The following TRIM5 variants were observed in gnomAD, a reference collection of about 807,000 sequenced individuals.
The protein encoded by TRIM5 is tripartite motif containing 5.
Under a neutral mutation model 35.6 loss-of-function variants are expected in TRIM5, and 31 were observed. The observed-to-expected ratio is 0.87, with a 90% CI of 0.65 to 1.18. The LOEUF (loss-of-function observed/expected upper bound fraction) is 1.18. Among genes scored for constraint, TRIM5 ranks in the 50% most tolerant of loss-of-function variants. TRIM5 has a pLI of 0.00. For synonymous variants in TRIM5, 243 were observed against 215.6 expected (o/e 1.13, Z -1.11); for missense variants, 609 against 591.6 (o/e 1.03, Z -0.31).
At chr11:5,662,526 C>T (rs1251042370), downstream of TRIM5, among the ~76,000 whole-genome samples, 1 of 152,198 alleles carries the variant, frequency 6.6e-6, no homozygotes, top group Non-Finnish European at 1.5e-5. Context: ...GTACTTCTGA[C>T]TTTATCTGCA....
the TRIM5 span, among the ~76,000 whole-genome samples, chr11:5,652,852 CTTTTTTTT>C: frequency 7.0e-6 from 1 of 143,658 alleles, no homozygotes; most frequent in African/African-American, 2.6e-5. Flanking sequence ...TTTTCTTTTT[CTTTTTTTT>C]TTTTTTTTTG....
chr11:5,631,970 T>G, the TRIM5 span, among the ~76,000 whole-genome samples: 6 of 152,320 alleles, frequency 3.9e-5, no homozygotes, highest in South Asian at 1.2e-3. Flanking sequence ...AAGTTTGTCT[T>G]AGCAGCCCTT....
chr11:5,609,868 A>T, the TRIM5 span, among the ~76,000 whole-genome samples: 3 of 152,192 alleles, frequency 2.0e-5, no homozygotes, highest in South Asian at 6.2e-4. Context: ...GGTTGCAGTG[A>T]GCCGAGATCG....
the TRIM5 span, chr11:5,632,106 C>T: frequency 3.7e-5 from 40 of 1,089,470 alleles, no homozygotes; most frequent in Admixed American, 5.1e-4. Flanking sequence ...ATTAACAGCT[C>T]GCCCAGACCA....
the TRIM5 span, among the ~76,000 whole-genome samples, chr11:5,657,286 G>A: frequency 1.3e-5 from 2 of 151,632 alleles, no homozygotes; most frequent in Non-Finnish European, 1.5e-5. Flanking sequence ...ACAGGGAGGG[G>A]AACATCACAC....
the TRIM5 span, among the ~76,000 whole-genome samples, chr11:5,635,785 T>G: frequency 1.3e-5 from 2 of 152,208 alleles, no homozygotes; most frequent in Non-Finnish European, 2.9e-5. Context: ...TTTCCTTTTG[T>G]CTTCTTTTTT....
chr11:5,604,235 A>C, the TRIM5 span, among the ~76,000 whole-genome samples: 1 of 151,962 alleles, frequency 6.6e-6, no homozygotes, highest in Non-Finnish European at 1.5e-5. Context: ...GCTGATCTCA[A>C]ACTCCTGAGC....
chr11:5,641,695 GTGA>G, the TRIM5 span, among the ~76,000 whole-genome samples: 1 of 152,168 alleles, frequency 6.6e-6, no homozygotes, highest in Non-Finnish European at 1.5e-5. Flanking sequence ...TGTGACTCTG[GTGA>G]TGATAATTAA....
the TRIM5 span, among the ~76,000 whole-genome samples, chr11:5,628,554 G>A: frequency 1.3e-5 from 2 of 152,156 alleles, no homozygotes; most frequent in Admixed American, 6.5e-5. Context: ...GGTTAGAGGA[G>A]TAGACAGGTC....
intron 5 of TRIM5, 43 bp downstream of exon 5, chr11:5,667,646 T>C: frequency 6.2e-7 from 1 of 1,606,926 alleles, no homozygotes. Flanking sequence ...TATAAATCTC[T>C]CCTCACTGCA....
the TRIM5 span, chr11:5,632,740 T>TTCAAGGAATG: frequency 6.2e-7 from 1 of 1,603,798 alleles, no homozygotes; most frequent in African/African-American, 1.3e-5. Context: ...GGAGGAAGTA[T>TTCAAGGAATG]TCAAGGAATG....
At chr11:5,683,004 C>T (rs1471185186) in intron 1 of TRIM5, among the ~76,000 whole-genome samples, 1 of 152,218 alleles carries the variant, frequency 6.6e-6, no homozygotes, top group East Asian at 1.9e-4. Flanking sequence ...AGCTGGAGTT[C>T]CGGGTGGGCG....
chr11:5,636,324 C>T, the TRIM5 span, among the ~76,000 whole-genome samples: 10 of 152,008 alleles, frequency 6.6e-5, no homozygotes, highest in South Asian at 8.3e-4. Flanking sequence ...GTAGCAAATC[C>T]GTAATATAGA....
chr11:5,651,799 G>A, the TRIM5 span, among the ~76,000 whole-genome samples: 50 of 152,126 alleles, frequency 3.3e-4, no homozygotes, highest in Non-Finnish European at 2.9e-5. Flanking sequence ...AACCTCACCA[G>A]CATCTATTAT....
Position 5,666,101 on chromosome 11 carries a change from A to C in TRIM5, c.768-20T>G, listed in dbSNP as rs141658892. On this transcript the variant is annotated intron_variant, in intron 5 of 7. Transcript: ENST00000380034. ...TCCGTCCTAAGAATTAAAAAAAAAA[A>C]AAAAAACTTCCAAACCTTTGACCTT... 8.5e-4 allele frequency: 1,337 copies of C among 1,581,734 alleles called. 11 individuals are homozygous for C. The African/African-American group carries it at 0.014, about 16-fold the overall frequency.
At chr11:5,678,884 G>C (rs1400447452) in intron 3 of TRIM5, among the ~76,000 whole-genome samples, 190 bp downstream of exon 3, 1 of 152,192 alleles carries the variant, frequency 6.6e-6, no homozygotes, top group Non-Finnish European at 1.5e-5. Flanking sequence ...TTCATGTAAA[G>C]AGCTCCCTAC....
At chr11:5,607,541 A>C in the TRIM5 span, among the ~76,000 whole-genome samples, 1 of 152,230 alleles carries the variant, frequency 6.6e-6, no homozygotes, top group Non-Finnish European at 1.5e-5. Flanking sequence ...CAAGATAAAA[A>C]GACCAAATAG....
chr11:5,627,573 T>A, the TRIM5 span, among the ~76,000 whole-genome samples: 1 of 152,202 alleles, frequency 6.6e-6, no homozygotes. Context: ...AAAATGATTC[T>A]ATGTTAAAAA....
At chr11:5,603,099 C>T in the TRIM5 span, 14 of 1,361,572 alleles carry the variant, frequency 1.0e-5, no homozygotes, top group African/African-American at 5.8e-5. Flanking sequence ...TTGTATGAGC[C>T]GGGATAAAGA....
Sources: allele counts gnomAD v4.1 joint callset (sites outside exome capture counted in the v4.1 genomes callset), GRCh38; gene constraint gnomAD v4.1.1; transcripts MANE v1.5; gene names NCBI Gene and HGNC (gene_info 2026-07-23, HGNC 2026-07-21).